ATP10A: variants seen among roughly 807,000 people sequenced by gnomAD.
ATP10A encodes the protein ATPase phospholipid transporting 10A (putative).
Under a neutral mutation model 147.8 loss-of-function variants are expected in ATP10A, and 111 were observed. The ratio of observed to expected loss-of-function variants is 0.75; its 90% CI spans 0.64 to 0.88. The LOEUF (loss-of-function observed/expected upper bound fraction) is 0.88. Ranked by LOEUF, ATP10A falls within the 40% of genes least tolerant of loss-of-function variation. ATP10A has a pLI of 0.00. For missense variants in ATP10A, 1,927 were observed against 1,959.0 expected (o/e 0.98, Z 0.31); for synonymous variants, 875 against 841.6 (o/e 1.04, Z -0.69).
chr15:25,693,783 C>A (rs948572753), intron 14 of ATP10A, among the ~76,000 whole-genome samples: 7 of 152,166 alleles, frequency 4.6e-5, no homozygotes, highest in Non-Finnish European at 8.8e-5. Flanking sequence ...GTCCCCATGA[C>A]GACCGTGTTC....
intron 1 of ATP10A, among the ~76,000 whole-genome samples, chr15:25,826,925 G>C (rs1026353388): frequency 1.3e-5 from 2 of 152,076 alleles, no homozygotes; most frequent in African/African-American, 4.8e-5. Context: ...ACTCAAAAGA[G>C]ATCTAAACTT....
At chr15:25,854,313 T>C (rs912962487) in intron 1 of ATP10A, among the ~76,000 whole-genome samples, 1 of 152,102 alleles carries the variant, frequency 6.6e-6, no homozygotes, top group African/African-American at 2.4e-5. Context: ...CCACTGATCA[T>C]CCCCAGAATA....
intron 1 of ATP10A, among the ~76,000 whole-genome samples, chr15:25,798,332 AG>A (rs1183551818): frequency 6.6e-6 from 1 of 152,142 alleles, no homozygotes; most frequent in Non-Finnish European, 1.5e-5. Context: ...ACCTTCCCCA[AG>A]CCAGTGCTGG....
intron 1 of ATP10A, among the ~76,000 whole-genome samples, chr15:25,801,409 A>C (rs1024436759): frequency 6.6e-6 from 1 of 152,174 alleles, no homozygotes; most frequent in African/African-American, 2.4e-5. Flanking sequence ...CCCCATCTGC[A>C]ATGTGGGGAT....
chr15:25,835,488 A>G (rs984090628), intron 1 of ATP10A, among the ~76,000 whole-genome samples: 2 of 152,174 alleles, frequency 1.3e-5, no homozygotes, highest in African/African-American at 4.8e-5. Context: ...CAGGGACCAT[A>G]GCTGCTTTCC....
chr15:25,843,842 T>G (rs972812714), intron 1 of ATP10A, among the ~76,000 whole-genome samples: 2 of 152,160 alleles, frequency 1.3e-5, no homozygotes, highest in African/African-American at 4.8e-5. Context: ...ACTTTCCGGT[T>G]AACACAAGAA....
chr15:25,781,441 G>T (rs1340686687), intron 1 of ATP10A, among the ~76,000 whole-genome samples: 6 of 152,152 alleles, frequency 3.9e-5, no homozygotes, highest in African/African-American at 1.4e-4. Flanking sequence ...CAGATTATGA[G>T]GTCAGGAGTT....
At chr15:25,676,137 G>T (rs769425970), downstream of ATP10A, among the ~76,000 whole-genome samples, 7 of 152,168 alleles carry the variant, frequency 4.6e-5, no homozygotes, top group Non-Finnish European at 1.0e-4. Flanking sequence ...TCATGCCTTC[G>T]AGGTAACAGG....
Position 25,681,915 on chromosome 15 carries a change from A to G in ATP10A, c.3493-841T>C, listed in dbSNP as rs961430560. ...AAACATATAGAAAAATTAGCCAGGCATGGTGGTGGGCGCCTGTAGTCCCAG... is the reference window on the plus strand; with the variant it reads ...AAACATATAGAAAAATTAGCCAGGCGTGGTGGTGGGCGCCTGTAGTCCCAG... On this transcript the variant is annotated intron_variant, in intron 17 of 20. Coordinates refer to ENST00000555815, the MANE Select transcript of ATP10A (RefSeq NM_024490.4). 2.0e-5 allele frequency among the ~76,000 whole-genome samples: 3 copies of G among 152,074 alleles called. No individual in the cohort carries two copies. In the East Asian group the frequency reaches 5.8e-4, roughly 29 times the overall value.
At chr15:25,779,883 C>CACACACACAG (rs1161854695) in intron 2 of ATP10A, among the ~76,000 whole-genome samples, 1 of 140,096 alleles carries the variant, frequency 7.1e-6, no homozygotes, top group African/African-American at 2.6e-5. Flanking sequence ...CACACACACA[C>CACACACACAG]AGAGTAAATG....
intron 1 of ATP10A, among the ~76,000 whole-genome samples, chr15:25,842,415 T>C (rs941581976): frequency 6.6e-6 from 1 of 152,150 alleles, no homozygotes; most frequent in Admixed American, 6.5e-5. Flanking sequence ...AGCGTCCTTT[T>C]ACTGTTTCTT....
At chr15:25,683,752 G>A in intron 16 of ATP10A, 1 of 508,050 alleles carries the variant, frequency 2.0e-6, no homozygotes. Flanking sequence ...CACTTGCGGG[G>A]ATGAGATTTT....
intron 1 of ATP10A, among the ~76,000 whole-genome samples, chr15:25,789,087 T>G (rs1407731535): frequency 6.6e-6 from 1 of 152,112 alleles, no homozygotes; most frequent in Non-Finnish European, 1.5e-5. Context: ...GCCTACCAAG[T>G]AGCTGGGACG....
rs556510655 is a variant in ATP10A at position 25,838,788 on chromosome 15, C to T, written c.449+23860G>A. Among the ~76,000 whole-genome samples, 37 of 152,196 alleles carry T rather than the reference C, an allele frequency of 2.4e-4. No homozygotes were observed. The South Asian group carries it at 4.6e-3, about 19-fold the overall frequency. On this transcript the variant is annotated intron_variant, in intron 1 of 20. Coordinates refer to ENST00000555815, the MANE Select transcript of ATP10A (RefSeq NM_024490.4). ...TTCCCCTGAGAAAATGGGGAAAGGA[C>T]GGGCTTTACTCCAGGGTACTACTGC...
chr15:25,784,739 A>G (rs1243753415), intron 1 of ATP10A, among the ~76,000 whole-genome samples: 1 of 152,136 alleles, frequency 6.6e-6, no homozygotes, highest in Non-Finnish European at 1.5e-5. Flanking sequence ...CCTGACCAAC[A>G]TGAAGAAACC....
At position 25,718,457 on chromosome 15, in the gene ATP10A, G is replaced by T. The variant is rs771401185; in HGVS notation, c.1364-58C>A. Reference sequence around the variant, plus strand: ...GGGGGAAGGCTGGGCGGAGCAGAAAGAAACCATTCAGTGTGTTTTAGGTTC... The same window carrying T: ...GGGGGAAGGCTGGGCGGAGCAGAAATAAACCATTCAGTGTGTTTTAGGTTC... On this transcript the variant is annotated intron_variant, in intron 7 of 20. Coordinates refer to ENST00000555815, the MANE Select transcript of ATP10A (RefSeq NM_024490.4). 207 of 1,507,590 alleles carry T rather than the reference G, an allele frequency of 1.4e-4. 1 individual carries two copies. Among genetic ancestry groups the T allele is most frequent in the Non-Finnish European group, 1.7e-4 (194 of 1,121,676 alleles). 93.4% of individuals were successfully genotyped at this position (1,507,590 alleles called of 1,614,324 possible).
At chr15:25,695,910 T>C (rs1205183761) in intron 13 of ATP10A, among the ~76,000 whole-genome samples, 2 of 151,870 alleles carry the variant, frequency 1.3e-5, no homozygotes, top group Non-Finnish European at 2.9e-5. Flanking sequence ...CCTCCCTAAG[T>C]TCTCCAATTC....
At chr15:25,672,516 TG>T (rs568473376), downstream of ATP10A, among the ~76,000 whole-genome samples, 31 of 152,348 alleles carry the variant, frequency 2.0e-4, no homozygotes, top group East Asian at 5.4e-3. Context: ...CTGTAACTGC[TG>T]GATCAGATGG....
chr15:25,847,560 C>T (rs1893078198), intron 1 of ATP10A, among the ~76,000 whole-genome samples: 1 of 138,356 alleles, frequency 7.2e-6, no homozygotes, highest in African/African-American at 2.6e-5. Flanking sequence ...TCCCACTAAG[C>T]AATTTGGAGC....
Sources: gnomAD v4.1 joint callset for allele counts (sites outside exome capture counted in the v4.1 genomes callset) on GRCh38, gnomAD v4.1.1 for gene constraint, MANE v1.5 for transcripts, NCBI Gene and HGNC (gene_info 2026-07-23, HGNC 2026-07-21) for gene names.